Variants in PCYT1B observed in about 807,000 individuals in gnomAD.
The protein encoded by PCYT1B is choline-phosphate cytidylyltransferase B.
In PCYT1B, 10 loss-of-function variants were observed where a neutral mutation model predicts 26.4. The observed-to-expected ratio is 0.38, with a 90% CI of 0.23 to 0.64. The LOEUF is 0.64. PCYT1B is among the 30% of genes least tolerant of loss of function. PCYT1B has a pLI of 0.56. For missense variants in PCYT1B, 161 were observed against 292.7 expected (o/e 0.55, Z 3.28); for synonymous variants, 131 against 108.4 (o/e 1.21, Z -1.29).
chrX:24,633,174 C>A (rs1022806808), intron 1 of PCYT1B, among the ~76,000 whole-genome samples: 11 of 91,512 alleles, frequency 1.2e-4, no homozygotes, highest in Non-Finnish European at 2.3e-4. Flanking sequence ...CATACCACTG[C>A]ACTCCAGCCT....
chrX:24,573,427 A>G (rs1406221825), intron 7 of PCYT1B, among the ~76,000 whole-genome samples: 1 of 111,114 alleles, frequency 9.0e-6, no homozygotes. Context: ...CGGCCTCCCA[A>G]AGTGGGAAAT....
At chrX:24,565,449 A>G (rs981640072) in intron 7 of PCYT1B, among the ~76,000 whole-genome samples, 1 of 110,969 alleles carries the variant, frequency 9.0e-6, no homozygotes, top group Non-Finnish European at 1.9e-5. Context: ...GATAATGCCC[A>G]GGAAGAGGTG....
chrX:24,596,654 C>A (rs770363984), intron 3 of PCYT1B, among the ~76,000 whole-genome samples: 1 of 109,540 alleles, frequency 9.1e-6, no homozygotes, highest in Admixed American at 9.8e-5. Flanking sequence ...GATTGTGGTG[C>A]CTTTTACTGC....
intron 1 of PCYT1B, among the ~76,000 whole-genome samples, chrX:24,633,568 G>A (rs903261923): frequency 6.3e-5 from 7 of 111,066 alleles, no homozygotes; most frequent in East Asian, 2.9e-4. Flanking sequence ...CAGCTACTCC[G>A]GAGGCTGAGG....
chrX:24,596,461 G>A (rs1264341648), intron 3 of PCYT1B, among the ~76,000 whole-genome samples: 1 of 109,601 alleles, frequency 9.1e-6, no homozygotes, highest in Non-Finnish European at 1.9e-5. Flanking sequence ...GTGTGGTGGT[G>A]CATGCTTGTA....
chrX:24,650,793 A>G (rs1016518154), upstream of PCYT1B, among the ~76,000 whole-genome samples: 3 of 112,388 alleles, frequency 2.7e-5, no homozygotes, highest in Non-Finnish European at 5.6e-5. Context: ...AAAGAAATAG[A>G]GAAGCACACA....
intron 1 of PCYT1B, among the ~76,000 whole-genome samples, chrX:24,639,987 G>A (rs906974920): frequency 9.0e-6 from 1 of 111,283 alleles, no homozygotes; most frequent in Non-Finnish European, 1.9e-5. Context: ...CAAAAGATCT[G>A]ACATCTTGGA....
At chrX:24,571,220 C>T (rs919745670) in intron 7 of PCYT1B, among the ~76,000 whole-genome samples, 8 of 110,677 alleles carry the variant, frequency 7.2e-5, no homozygotes, top group Non-Finnish European at 1.3e-4. Context: ...AAAAATTAGC[C>T]GGGCGTGGTA....
intron 7 of PCYT1B, among the ~76,000 whole-genome samples, chrX:24,564,230 C>G (rs930837902): frequency 9.1e-6 from 1 of 110,209 alleles, no homozygotes; most frequent in African/African-American, 3.3e-5. Context: ...TGGCCCGGCC[C>G]GGGATGATGG....
upstream of PCYT1B, among the ~76,000 whole-genome samples, chrX:24,651,474 T>A (rs5944663): frequency 0.15 from 2,203 of 14,716 alleles, 263 homozygotes; most frequent in Non-Finnish European, 0.19. Flanking sequence ...AAAAAAAAAA[T>A]ATATATATAT....
intron 2 of PCYT1B, among the ~76,000 whole-genome samples, chrX:24,615,911 A>C (rs932840221): frequency 1.3e-4 from 14 of 111,642 alleles, no homozygotes; most frequent in Admixed American, 7.7e-4. Flanking sequence ...AGATCGTTGC[A>C]GTAGGCAAAG....
upstream of PCYT1B, among the ~76,000 whole-genome samples, chrX:24,651,454 CAAAAAAA>C (rs1188690484): frequency 5.4e-4 from 6 of 11,072 alleles, 1 homozygote; most frequent in Admixed American, 1.7e-3. Flanking sequence ...GATGCCATCT[CAAAAAAA>C]AAAAAAAAAA....
At chrX:24,633,119 A>G (rs1926152887) in intron 1 of PCYT1B, among the ~76,000 whole-genome samples, 1 of 104,316 alleles carries the variant, frequency 9.6e-6, no homozygotes, top group Non-Finnish European at 2.0e-5. Flanking sequence ...CTGAGGCAAG[A>G]GAATCACTTG....
At chrX:24,610,554 A>G (rs758997129) in intron 2 of PCYT1B, among the ~76,000 whole-genome samples, 9 of 112,293 alleles carry the variant, frequency 8.0e-5, no homozygotes, top group African/African-American at 2.9e-4. Flanking sequence ...GGGAAAGCAG[A>G]TGGCAGTTTT....
chrX:24,647,182 A>G lies in PCYT1B; in HGVS notation c.-77T>C. ...GCAGAGAATGTTTTCTTTGTCACGT[A>G]TTTTTCTCCCCTCTACCCTCCACCC... On this transcript the variant is annotated 5_prime_UTR_variant, in exon 1 of 8. Transcript: ENST00000379144. The G allele has an allele frequency of 8.7e-7, 1 of 1,149,583 alleles. No homozygotes were observed. Among genetic ancestry groups the G allele is most frequent in the Non-Finnish European group, 1.2e-6 (1 of 863,859 alleles). The allele number at this position is 1,149,583 out of a possible 1,213,427, so 94.7% of individuals were successfully genotyped here. A position where few individuals can be genotyped will look rare whatever the true frequency, so the allele number is the denominator to read the frequency against.
chrX:24,616,882 A>G, intron 2 of PCYT1B, among the ~76,000 whole-genome samples: 1 of 112,148 alleles, frequency 8.9e-6, no homozygotes, highest in Non-Finnish European at 1.9e-5. Flanking sequence ...ATTGAAGGCT[A>G]TTCTTATAGG....
intron 3 of PCYT1B, among the ~76,000 whole-genome samples, chrX:24,603,509 G>A (rs61761903): frequency 0.059 from 6,535 of 111,549 alleles, 464 homozygotes; most frequent in African/African-American, 0.2. Context: ...ACTTGAGCCC[G>A]AGTTTGAGAC....
At chrX:24,614,605 T>A (rs1925423990) in intron 2 of PCYT1B, among the ~76,000 whole-genome samples, 1 of 111,994 alleles carries the variant, frequency 8.9e-6, no homozygotes, top group South Asian at 3.7e-4. Context: ...TCTGCTATGT[T>A]TTGTCTTTTT....
chrX:24,597,128 CT>C (rs770072722), intron 3 of PCYT1B, among the ~76,000 whole-genome samples: 89 of 101,118 alleles, frequency 8.8e-4, no homozygotes, highest in Middle Eastern at 0.01. Context: ...TTTTTCTTTT[CT>C]TTTTTTTTTT....
Sources: gnomAD v4.1 joint callset for allele counts (sites outside exome capture counted in the v4.1 genomes callset) on GRCh38, gnomAD v4.1.1 for gene constraint, MANE v1.5 for transcripts, NCBI Gene and HGNC (gene_info 2026-07-23, HGNC 2026-07-21) for gene names.